The following RXRA variants were observed in gnomAD, a reference collection of about 807,000 sequenced individuals.
The protein encoded by RXRA is retinoid X receptor alpha, also known as retinoic acid receptor RXR-alpha.
A neutral mutation model predicts 44.5 loss-of-function variants in RXRA; 5 were observed. The observed-to-expected ratio is 0.11, with a 90% CI of 0.06 to 0.24. RXRA has a LOEUF of 0.24. Ranked by LOEUF, RXRA falls within the 10% of genes least tolerant of loss-of-function variation. The probability of loss-of-function intolerance (pLI) is 1.00; values close to 1 mark genes in which losing one functional copy is unlikely to be tolerated. For missense variants in RXRA, 412 were observed against 646.5 expected (o/e 0.64, Z 3.93); for synonymous variants, 291 against 271.4 (o/e 1.07, Z -0.71).
chr9:134,389,127 G>A (rs1186362044), intron 1 of RXRA, among the ~76,000 whole-genome samples: 1 of 152,208 alleles, frequency 6.6e-6, no homozygotes, highest in Non-Finnish European at 1.5e-5. Flanking sequence ...CGGTCCTGTC[G>A]TGGACGCCCT....
chr9:134,364,893 C>G (rs573805821), intron 1 of RXRA, among the ~76,000 whole-genome samples: 27 of 152,284 alleles, frequency 1.8e-4, no homozygotes, highest in South Asian at 6.2e-4. Context: ...GGGCTGGCCT[C>G]TCGGCCCCTA....
intron 1 of RXRA, among the ~76,000 whole-genome samples, chr9:134,386,440 T>C (rs1372705952): frequency 1.3e-5 from 2 of 152,240 alleles, no homozygotes; most frequent in Non-Finnish European, 2.9e-5. Context: ...TGGGTGCCTG[T>C]GTCTTGCCTA....
chr9:134,421,601 G>A lies in RXRA; in HGVS notation c.781-75G>A, dbSNP rs183909610. The A allele has an allele frequency of 8.4e-5, 124 of 1,482,026 alleles. No homozygotes were observed. In the East Asian group the frequency reaches 2.2e-3, roughly 27 times the overall value. 91.8% of individuals were successfully genotyped at this position (1,482,026 alleles called of 1,614,324 possible). ...CTGCATGGGCCCAGCGTGTGGCAGG[G>A]CCTGGTCTGGGCTGTGTTTGGTCAG... On this transcript the variant is annotated intron_variant, in intron 5 of 9. Coordinates refer to ENST00000481739, the MANE Select transcript of RXRA (RefSeq NM_002957.6).
chr9:134,358,199 C>T (rs1018339308), intron 1 of RXRA, among the ~76,000 whole-genome samples: 5 of 152,244 alleles, frequency 3.3e-5, no homozygotes, highest in East Asian at 3.9e-4. Context: ...GTGGAAACAC[C>T]GAGTTCTGCC....
intron 4 of RXRA, among the ~76,000 whole-genome samples, chr9:134,414,456 G>C (rs1588297782): frequency 6.6e-6 from 1 of 152,382 alleles, no homozygotes; most frequent in Non-Finnish European, 1.5e-5. Flanking sequence ...AGCCATCCTG[G>C]GGGTGGGCGC....
intron 1 of RXRA, among the ~76,000 whole-genome samples, chr9:134,344,248 A>T (rs1402818429): frequency 1.3e-5 from 2 of 151,976 alleles, no homozygotes; most frequent in African/African-American, 4.8e-5. Flanking sequence ...TGGCACCGGC[A>T]TGTGCGGAGG....
At chr9:134,340,195 C>G (rs1830069789) in intron 1 of RXRA, among the ~76,000 whole-genome samples, 1 of 152,112 alleles carries the variant, frequency 6.6e-6, no homozygotes, top group African/African-American at 2.4e-5. Flanking sequence ...GCCTGCGGGT[C>G]CAGGTTTGAG....
chr9:134,332,004 C>G (rs1554746703), intron 1 of RXRA, among the ~76,000 whole-genome samples: 1 of 152,232 alleles, frequency 6.6e-6, no homozygotes, highest in African/African-American at 2.4e-5. Context: ...TGGTGGAGGG[C>G]TGAGGTCTCA....
chr9:134,434,495 C>G (rs34703525), intron 9 of RXRA, among the ~76,000 whole-genome samples: 8,490 of 152,250 alleles, frequency 0.056, 333 homozygotes, highest in Middle Eastern at 0.16. Flanking sequence ...GCTTCACCCC[C>G]CACTGCGCTC....
chr9:134,357,418 G>A (rs1472951690), intron 1 of RXRA, among the ~76,000 whole-genome samples: 4 of 152,320 alleles, frequency 2.6e-5, no homozygotes, highest in South Asian at 2.1e-4. Flanking sequence ...TGCTGTAGCC[G>A]CGTGAAGTCA....
At chr9:134,393,928 T>C (rs1830835569) in intron 1 of RXRA, among the ~76,000 whole-genome samples, 1 of 152,022 alleles carries the variant, frequency 6.6e-6, no homozygotes, top group Admixed American at 6.5e-5. Context: ...CGGCACCACT[T>C]CCTATTCTTC....
rs1830414816 is a variant in RXRA at position 134,366,365 on chromosome 9, T to C, written c.29-35267T>C. On this transcript the variant is annotated intron_variant, in intron 1 of 9. Coordinates refer to ENST00000481739, the MANE Select transcript of RXRA (RefSeq NM_002957.6). The surrounding 1 kb of genome is among the most constrained non-coding windows in gnomAD (Gnocchi z 5.9). ...GCAGGCCTTGGCACAGGCTCCAGAA[T>C]TGCACGTGATCTCAGACGGTTCCCA... Among the ~76,000 whole-genome samples the C allele has an allele frequency of 6.6e-6, 1 of 152,062 alleles. No homozygotes were observed. The highest frequency in any genetic ancestry group is 1.5e-5 in the Non-Finnish European group (1 of 67,976).
At position 134,378,814 on chromosome 9, in the gene RXRA, G is replaced by A. The variant is rs540683245; in HGVS notation, c.29-22818G>A. Among the ~76,000 whole-genome samples, 11 of 152,344 alleles carry A rather than the reference G, an allele frequency of 7.2e-5. No individual in the cohort carries two copies. In the East Asian group the frequency reaches 2.1e-3, roughly 29 times the overall value. ...TGAAGCACCCCAGCCTTGTAGGGGT[G>A]CCTGCAGGAGTCCCGGCAGCTTCAG... On this transcript the variant is annotated intron_variant, in intron 1 of 9. Coordinates refer to ENST00000481739, the MANE Select transcript of RXRA (RefSeq NM_002957.6).
rs572381941 is a variant in RXRA at position 134,384,392 on chromosome 9, C to T, written c.29-17240C>T. Among the ~76,000 whole-genome samples, 6 of 152,348 alleles carry T rather than the reference C, an allele frequency of 3.9e-5. No individual in the cohort carries two copies. In the East Asian group the frequency reaches 1.2e-3, roughly 29 times the overall value. On this transcript the variant is annotated intron_variant, in intron 1 of 9. Coordinates refer to ENST00000481739, the MANE Select transcript of RXRA (RefSeq NM_002957.6). ...GCCGGTGGTGCAGAGGAAAGCGAAC[C>T]GTGCTGGGGTCGCCAGCGACTGAGG...
At chr9:134,344,375 G>A (rs976005801) in intron 1 of RXRA, among the ~76,000 whole-genome samples, 2 of 152,188 alleles carry the variant, frequency 1.3e-5, no homozygotes, top group African/African-American at 4.8e-5. Context: ...TGCCCTTGCC[G>A]CCGGAAGGGG....
Position 134,365,389 on chromosome 9 carries a change from TG to T in RXRA, c.29-36241del, listed in dbSNP as rs1232989161. On this transcript the variant is annotated intron_variant, in intron 1 of 9. Coordinates refer to ENST00000481739, the MANE Select transcript of RXRA (RefSeq NM_002957.6). This position sits in a 1 kb window ranked among gnomAD's most constrained non-coding sequence, Gnocchi z 4.0. ...CTCAGGGAGCGGGGTCCACGTTGCC[TG>T]GCCCAGGTGGGATTTGGCGGGTAAC... Among the ~76,000 whole-genome samples the T allele has an allele frequency of 1.3e-5, 2 of 152,180 alleles. No homozygotes were observed. The highest frequency in any genetic ancestry group is 4.8e-5 in the African/African-American group (2 of 41,444).
At chr9:134,427,309 C>G in intron 6 of RXRA, 9 of 309,694 alleles carry the variant, frequency 2.9e-5, no homozygotes, top group Non-Finnish European at 4.2e-5. Flanking sequence ...AACCCCCGCC[C>G]CGGGGGACCC....
intron 1 of RXRA, among the ~76,000 whole-genome samples, chr9:134,329,405 C>T (rs529857166): frequency 2.0e-5 from 3 of 152,316 alleles, no homozygotes; most frequent in Middle Eastern, 3.4e-3. Context: ...CTGGAGGGGC[C>T]CTGTTTGTTG....
At chr9:134,352,550 T>C (rs1554749604) in intron 1 of RXRA, among the ~76,000 whole-genome samples, 1 of 152,170 alleles carries the variant, frequency 6.6e-6, no homozygotes, top group East Asian at 1.9e-4. Context: ...GTGTGGGAAC[T>C]GGCGTCTGTC....
Sources: gnomAD v4.1 joint callset for allele counts (sites outside exome capture counted in the v4.1 genomes callset) on GRCh38, gnomAD v4.1.1 for gene constraint, Gnocchi (gnomAD v3.1) non-coding constraint, MANE v1.5 for transcripts, NCBI Gene and HGNC (gene_info 2026-07-23, HGNC 2026-07-21) for gene names.